Variants in RNMT observed in about 807,000 individuals in gnomAD.
RNMT encodes the protein RNA guanine-7 methyltransferase, also known as mRNA cap guanine-N(7) methyltransferase.
RNMT carries 27 observed loss-of-function variants against 56.0 expected under a neutral mutation model. The ratio of observed to expected loss-of-function variants is 0.48; its 90% CI spans 0.36 to 0.67. The LOEUF (loss-of-function observed/expected upper bound fraction) is 0.67. Among genes scored for constraint, RNMT ranks in the 30% least tolerant of loss-of-function variants. RNMT has a pLI of 0.00. For missense variants in RNMT, 519 were observed against 552.1 expected, an observed-to-expected ratio of 0.94 and a Z score of 0.60; for synonymous variants, 184 against 176.2, an observed-to-expected ratio of 1.04 and a Z score of -0.35.
chr18:13,759,662 C>G (rs950785404), intron 11 of RNMT, among the ~76,000 whole-genome samples: 1 of 151,386 alleles, frequency 6.6e-6, no homozygotes, highest in African/African-American at 2.4e-5. Context: ...ATTTTTCTTA[C>G]CTTAAACTGA....
At position 13,762,045 on chromosome 18, in the gene RNMT, C is replaced by T. The variant is rs367884358; in HGVS notation, c.*2066C>T. On this transcript the variant is annotated 3_prime_UTR_variant, in exon 12 of 12. Coordinates refer to ENST00000383314, the MANE Select transcript of RNMT (RefSeq NM_003799.3). Reference sequence around the variant, plus strand: ...TGTTCGGTATTCTATTCAGGACTTACGGTAACTATTATGAGGGAGGCATGG... The same window carrying T: ...TGTTCGGTATTCTATTCAGGACTTATGGTAACTATTATGAGGGAGGCATGG... 327 of 1,536,060 alleles carry T rather than the reference C, an allele frequency of 2.1e-4. No individual in the cohort carries two copies. In the African/African-American group the frequency reaches 3.5e-3, roughly 16 times the overall value.
At chr18:13,754,981 G>A (rs2044518888) in intron 11 of RNMT, among the ~76,000 whole-genome samples, 1 of 152,186 alleles carries the variant, frequency 6.6e-6, no homozygotes, top group South Asian at 2.1e-4. Context: ...AAGGCCTGTG[G>A]TTCTTCAGCA....
intron 6 of RNMT, among the ~76,000 whole-genome samples, chr18:13,740,870 G>GA (rs1340050005): frequency 1.3e-5 from 2 of 152,166 alleles, no homozygotes; most frequent in African/African-American, 4.8e-5. Flanking sequence ...TTTTGAAATA[G>GA]AACTGAACTT....
chr18:13,734,536 C>T lies in RNMT; in HGVS notation c.490C>T (p.Arg164Cys). Residue 164 changes from arginine (R) to cysteine (C), a missense_variant, in exon 4 of 12, where the codon CGT becomes TGT. Physicochemically the swap from Arg to Cys is radical, Grantham distance 180 (BLOSUM62 -3). Coordinates refer to ENST00000383314, the MANE Select transcript of RNMT (RefSeq NM_003799.3). ...ACTTCAGGAAGTTGGTTTGGAGAAG[C>T]GTAGTCAAAGTCGTATTTTTTACCT... is the stretch of plus-strand genomic sequence containing the variant. Reference protein sequence around the residue: ...NELQEVGLEKRSQSRIFYLRN... With the variant: ...NELQEVGLEKCSQSRIFYLRN... The T allele has an allele frequency of 1.9e-6, 3 of 1,613,218 alleles. No individual in the cohort carries two copies. Among genetic ancestry groups the T allele is most frequent in the Non-Finnish European group, 2.5e-6 (3 of 1,179,320 alleles).
chr18:13,752,805 T>G (rs1057131186), intron 10 of RNMT, among the ~76,000 whole-genome samples: 6 of 152,236 alleles, frequency 3.9e-5, no homozygotes, highest in African/African-American at 1.4e-4. Flanking sequence ...GTTTACATTT[T>G]AAGAATGATT....
chr18:13,726,843 C>T (rs1256139528), intron 1 of RNMT, 114 bp downstream of exon 1: 3 of 152,258 alleles, frequency 2.0e-5, no homozygotes, highest in South Asian at 2.1e-4. Context: ...TTCGCATTAG[C>T]CCTGTGCTTC....
At chr18:13,728,912 T>G (rs183925110) in intron 1 of RNMT, among the ~76,000 whole-genome samples, 156 of 152,322 alleles carry the variant, frequency 1.0e-3, no homozygotes, top group African/African-American at 3.7e-3. Context: ...GCAGATATTT[T>G]CTCCCATTCT....
At chr18:13,749,472 T>C (rs939819602) in intron 9 of RNMT, among the ~76,000 whole-genome samples, 3 of 152,220 alleles carry the variant, frequency 2.0e-5, no homozygotes, top group Non-Finnish European at 4.4e-5. Context: ...CTAAACTTGC[T>C]GCAGGATGTT....
chr18:13,754,783 C>A (rs1051134320), intron 11 of RNMT, among the ~76,000 whole-genome samples: 3 of 152,172 alleles, frequency 2.0e-5, no homozygotes, highest in African/African-American at 7.2e-5. Flanking sequence ...AGAATACTTG[C>A]ATGTCTTTTT....
intron 11 of RNMT, among the ~76,000 whole-genome samples, chr18:13,755,842 C>CT (rs202156290): frequency 9.1e-4 from 138 of 152,244 alleles, no homozygotes; most frequent in African/African-American, 3.0e-3. Flanking sequence ...GCGGTACTGG[C>CT]TGTGGCTTAG....
chr18:13,761,851 C>CCCCCCCCCCCCCA lies in RNMT; in HGVS notation c.*1877_*1878insCCCCCCCACCCCC. 1 of 1,097,446 alleles carries CCCCCCCCCCCCCA rather than the reference C, an allele frequency of 9.1e-7. No individual in the cohort carries two copies. Among genetic ancestry groups the CCCCCCCCCCCCCA allele is most frequent in the Non-Finnish European group, 1.1e-6 (1 of 898,864 alleles). 68.0% of individuals were successfully genotyped at this position (1,097,446 alleles called of 1,614,324 possible). A position where few individuals can be genotyped will look rare whatever the true frequency, so the allele number is the denominator to read the frequency against. On this transcript the variant is annotated 3_prime_UTR_variant, in exon 12 of 12. Coordinates refer to ENST00000383314, the MANE Select transcript of RNMT (RefSeq NM_003799.3). ...TTCCTCCACCACCCTACACCCCCCT[C>CCCCCCCCCCCCCA]CCCCCGGCCCCAAGCCCCTGTGTCT... is the stretch of plus-strand genomic sequence containing the variant.
chr18:13,729,497 AAATAGG>A (rs1300973812), intron 1 of RNMT, among the ~76,000 whole-genome samples: 1 of 152,222 alleles, frequency 6.6e-6, no homozygotes, highest in Non-Finnish European at 1.5e-5. Flanking sequence ...AGAGGAGGAG[AAATAGG>A]AATTTGATAA....
At chr18:13,755,264 G>A (rs1230368465) in intron 11 of RNMT, among the ~76,000 whole-genome samples, 1 of 152,168 alleles carries the variant, frequency 6.6e-6, no homozygotes, top group African/African-American at 2.4e-5. Context: ...GGGGCACAAA[G>A]GTGAAAGAGA....
intron 5 of RNMT, among the ~76,000 whole-genome samples, chr18:13,738,107 A>T (rs1463677957): frequency 6.6e-6 from 1 of 151,952 alleles, no homozygotes; most frequent in African/African-American, 2.4e-5. Flanking sequence ...AGAGATACAT[A>T]CCCCCACTAC....
In RNMT at chr18:13,732,730, G is replaced by A. The variant is rs538533940; in HGVS notation, c.417+796G>A. On this transcript the variant is annotated intron_variant, in intron 3 of 11. Transcript: ENST00000383314. ...ATGGAATGTGAATTCTTGTAACAGAGGGGAGCCCCCCCTTTTTTTTTTTTT... is the reference window on the plus strand; with the variant it reads ...ATGGAATGTGAATTCTTGTAACAGAAGGGAGCCCCCCCTTTTTTTTTTTTT... Among the ~76,000 whole-genome samples the A allele has an allele frequency of 7.1e-5, 10 of 141,828 alleles. No individual in the cohort carries two copies. In the South Asian group the frequency reaches 2.2e-3, roughly 31 times the overall value. The allele number at this position is 141,828 out of a possible 152,430, so 93.0% of individuals were successfully genotyped here. A position where few individuals can be genotyped will look rare whatever the true frequency, so the allele number is the denominator to read the frequency against.
At chr18:13,744,156 C>CTTTTTTTTTTTTTTTTTTTTTTT (rs1555794897) in intron 8 of RNMT, among the ~76,000 whole-genome samples, 5 of 25,952 alleles carry the variant, frequency 1.9e-4, no homozygotes, top group African/African-American at 7.5e-4. Context: ...ACCTAGCGGT[C>CTTTTTTTTTTTTTTTTTTTTTTT]TTCTTTTTTT....
intron 1 of RNMT, among the ~76,000 whole-genome samples, chr18:13,728,330 TTGTGTGTG>T (rs1212860122): frequency 1.4e-3 from 30 of 21,458 alleles, no homozygotes; most frequent in African/African-American, 6.4e-3. Flanking sequence ...TTTTTTTTTT[TTGTGTGTG>T]TGTGTGTGTG....
chr18:13,747,962 C>T (rs1359677912), intron 9 of RNMT, among the ~76,000 whole-genome samples: 2 of 152,142 alleles, frequency 1.3e-5, no homozygotes, highest in African/African-American at 2.4e-5. Context: ...TAGCCTTTCT[C>T]TTAGCATATG....
chr18:13,746,240 T>C lies in RNMT; in HGVS notation c.1160T>C (p.Met387Thr). The change falls in exon 9 of 12, where the codon ATG (methionine) becomes ACG (threonine). Residue 387 changes from methionine to threonine, a missense_variant. By Grantham distance (81) the Met-to-Thr change is moderately conservative. Transcript: ENST00000383314. ...GACAGAATGGCAAAGAAGTACAATA[T>C]GAAACTAGTCTACAAAAAAACATTT... ...LLNEMAKKYN[M>T]KLVYKKTFLE... The C allele has an allele frequency of 3.9e-6, 6 of 1,523,810 alleles. No individual in the cohort carries two copies. Among genetic ancestry groups the C allele is most frequent in the Non-Finnish European group, 5.4e-6 (6 of 1,111,268 alleles). The allele number at this position is 1,523,810 out of a possible 1,614,324, so 94.4% of individuals were successfully genotyped here.
Sources: allele counts gnomAD v4.1 joint callset (sites outside exome capture counted in the v4.1 genomes callset), GRCh38; gene constraint gnomAD v4.1.1; transcripts MANE v1.5; gene names NCBI Gene and HGNC (gene_info 2026-07-23, HGNC 2026-07-21).